TNXB: variants seen among roughly 807,000 people sequenced by gnomAD.
TNXB encodes tenascin XB.
Under a neutral mutation model 340.5 loss-of-function variants are expected in TNXB, and 183 were observed. The observed-to-expected ratio is 0.54, with a 90% CI of 0.48 to 0.61. The LOEUF (loss-of-function observed/expected upper bound fraction) is 0.61, where lower values mean the gene tolerates loss of function less well. TNXB is among the 20% of genes least tolerant of loss of function. TNXB has a pLI of 0.00. For synonymous variants in TNXB, 2,121 were observed against 2,314.5 expected, an observed-to-expected ratio of 0.92 and a Z score of 2.40; for missense variants, 4,613 against 5,446.4, an observed-to-expected ratio of 0.85 and a Z score of 4.82.
intron 1 of TNXB, among the ~76,000 whole-genome samples, chr6:32,106,632 T>G (rs1780994192): frequency 6.6e-6 from 1 of 152,142 alleles, no homozygotes; most frequent in Non-Finnish European, 1.5e-5. Flanking sequence ...GAAAGGGAGC[T>G]GAACAGGGAC....
chr6:32,065,192 G>GCCCCAC, intron 18 of TNXB, 75 bp from the exon 19 acceptor site: 1 of 1,337,390 alleles, frequency 7.5e-7, no homozygotes, highest in African/African-American at 1.5e-5. Context: ...TTGAATTCAG[G>GCCCCAC]TCAGAAGGTG....
At position 32,050,275 on chromosome 6, in the gene TNXB, G is replaced by T; in HGVS notation, c.9162C>A (p.Thr3054=). 1 of 1,613,416 alleles carries T rather than the reference G, an allele frequency of 6.2e-7. No homozygotes were observed. The highest frequency in any genetic ancestry group is 1.1e-5 in the South Asian group (1 of 91,072). Residue 3054 remains threonine (T), a synonymous_variant, in exon 27 of 44, where the codon ACC becomes ACA. Transcript: ENST00000644971. Reference sequence around the variant, plus strand: ...GGCGAGGCTTGATGGGGGGCTCAGGGGTCATGGTAGGCACTGCTTGGGTGG... The same window carrying T: ...GGCGAGGCTTGATGGGGGGCTCAGGTGTCATGGTAGGCACTGCTTGGGTGG... ...AETTQAVPTM[T]PEPPIKPRLG... is the part of the protein sequence containing the mutation.
At chr6:32,078,091 G>GAAAGAAAGAA (rs1398434328) in intron 11 of TNXB, among the ~76,000 whole-genome samples, 4 of 131,798 alleles carry the variant, frequency 3.0e-5, no homozygotes, top group East Asian at 2.3e-4. Context: ...AAGAAAGAAA[G>GAAAGAAAGAA]AAAGAAAGAA....
Position 32,089,441 on chromosome 6 carries a change from C to A in TNXB, c.2359-62G>T, listed in dbSNP as rs1209443121. 8 of 1,538,062 alleles carry A rather than the reference C, an allele frequency of 5.2e-6. No individual in the cohort carries two copies. The highest frequency in any genetic ancestry group is 6.1e-6 in the Non-Finnish European group (7 of 1,141,262). On this transcript the variant is annotated intron_variant, in intron 4 of 43. Transcript: ENST00000644971. The surrounding 1 kb of genome is among the most constrained non-coding windows in gnomAD (Gnocchi z 6.2). ...ACTCTTGCCTCTGCTGCTCAATCCC[C>A]CTTATCTCTTCTTTCTCCAATTCTA...
chr6:32,082,317 C>T lies in TNXB; in HGVS notation c.3455G>A (p.Ser1152Asn). ...LVAEAKILPQ[S>N]DPSPGTPPHL... ...GGGTGGAGTCCCTGGACTTGGGTCA[C>T]TCTGAGGCACTAGGAAGAGTGGGTA... Residue 1152 changes from serine to asparagine, a missense_variant, in exon 9 of 44, where the codon AGT becomes AAT. Around this residue, in one of 7 missense-constraint regions of TNXB, gnomAD observed 4,327 missense variants for 4,859.4 expected, o/e 0.89. Coordinates refer to ENST00000644971, the MANE Select transcript of TNXB (RefSeq NM_001365276.2). This position sits in a 1 kb window ranked among gnomAD's most constrained non-coding sequence, Gnocchi z 5.0. 2 of 1,594,074 alleles carry T rather than the reference C, an allele frequency of 1.3e-6. No homozygotes were observed. The highest frequency in any genetic ancestry group is 1.7e-6 in the Non-Finnish European group (2 of 1,168,062).
In TNXB at chr6:32,061,377, A is replaced by C. The variant is rs1777993136; in HGVS notation, c.7492+20T>G. 1.9e-6 allele frequency: 3 copies of C among 1,605,172 alleles called. No individual in the cohort carries two copies. The highest frequency in any genetic ancestry group is 1.7e-6 in the Non-Finnish European group (2 of 1,174,464). ...CCATGAGGGAAAGGTGGTTACCCCG[A>C]GACTCCAAGCACTACTCACCAGTCA... On this transcript the variant is annotated intron_variant, in intron 21 of 43. Transcript: ENST00000644971. This position sits in a 1 kb window ranked among gnomAD's most constrained non-coding sequence, Gnocchi z 4.4.
intron 1 of TNXB, among the ~76,000 whole-genome samples, chr6:32,098,502 C>T (rs1363084578): frequency 2.6e-5 from 4 of 151,924 alleles, no homozygotes; most frequent in Admixed American, 1.3e-4. Flanking sequence ...TTGTTTGAGA[C>T]GGAGTTTCAC....
rs770375261 is a variant in TNXB at position 32,097,962 on chromosome 6, C to A, written c.237G>T (p.Leu79=). 6.2e-7 allele frequency: 1 copy of A among 1,605,984 alleles called. No individual in the cohort carries two copies. Among genetic ancestry groups the A allele is most frequent in the Non-Finnish European group, 8.5e-7 (1 of 1,177,236 alleles). The change falls in exon 2 of 44, where the codon CTG becomes CTT. Residue 79 remains leucine (L), a synonymous_variant. Transcript: ENST00000644971. This position sits in a 1 kb window ranked among gnomAD's most constrained non-coding sequence, Gnocchi z 5.9. ...KQVVFTHRIN[L]PPSTGCGCPP... ...GACAGCCACAGCCAGTGGAAGGGGG[C>A]AGGTTAATGCGGTGGGTGAATACCA...
At position 32,088,862 on chromosome 6, in the gene TNXB, C is replaced by T. The variant is rs1779942876; in HGVS notation, c.2702G>A (p.Gly901Asp). The change falls in exon 6 of 44, where the codon GGC becomes GAC. Residue 901 changes from glycine (G) to aspartate (D), a missense_variant. By Grantham distance (94) the Gly-to-Asp change is moderately conservative. This residue lies in a region of TNXB where 4,327 missense variants were observed against 4,859.4 expected (regional missense o/e 0.89). Coordinates refer to ENST00000644971, the MANE Select transcript of TNXB (RefSeq NM_001365276.2). ...TGTGACAGTCACCACATATTCTACG[C>T]CTGGCATCAGGTCAGTCAGCAGCGT... ...DGTLLTDLMP[G>D]VEYVVTVTAE... 1 of 1,584,132 alleles carries T rather than the reference C, an allele frequency of 6.3e-7. No homozygotes were observed. The highest frequency in any genetic ancestry group is 8.6e-7 in the Non-Finnish European group (1 of 1,165,412).
Position 32,087,622 on chromosome 6 carries a change from T to TGGGGGGGGGGGGGGGGGGG in TNXB, c.2779+1162_2779+1163insCCCCCCCCCCCCCCCCCCC. On this transcript the variant is annotated intron_variant, in intron 6 of 43. Transcript: ENST00000644971. This position sits in a 1 kb window ranked among gnomAD's most constrained non-coding sequence, Gnocchi z 9.0. ...ATCAGGGCTGGCGGTGGGGCGGGGG[T>TGGGGGGGGGGGGGGGGGGG]GGCGGGGCGGGGGTGCGGGGGAGCC... 6.5e-5 allele frequency: 2 copies of TGGGGGGGGGGGGGGGGGGG among 30,684 alleles called. No individual in the cohort carries two copies. The highest frequency in any genetic ancestry group is 1.6e-4 in the Non-Finnish European group (2 of 12,670). 1.9% of individuals were successfully genotyped at this position (30,684 alleles called of 1,614,324 possible).
rs748759848 is a variant in TNXB, at chr6:32,062,156, C to A, written c.7168+1G>T. The stretch of plus-strand genomic sequence containing the variant: ...CCCTGGGGCTCCCATCGTCCACTCA[C>A]CTGTCACCCCGATGGCAGACACGGG... On this transcript the variant is annotated splice_donor_variant, in intron 20 of 43. Coordinates refer to ENST00000644971, the MANE Select transcript of TNXB (RefSeq NM_001365276.2). LOFTEE classifies it high-confidence loss of function. The surrounding 1 kb of genome is among the most constrained non-coding windows in gnomAD (Gnocchi z 4.3). 2.5e-6 allele frequency: 4 copies of A among 1,610,154 alleles called. No individual in the cohort carries two copies. Among genetic ancestry groups the A allele is most frequent in the Non-Finnish European group, 3.4e-6 (4 of 1,177,580 alleles).
At chr6:32,093,888 A>G (rs149228301) in intron 4 of TNXB, among the ~76,000 whole-genome samples, 1,971 of 152,046 alleles carry the variant, frequency 0.013, 36 homozygotes, top group Admixed American at 0.036. Flanking sequence ...CCAGGAGTTC[A>G]GGACCAGCCT....
At position 32,049,319 on chromosome 6, in the gene TNXB, G is replaced by A. The variant is rs1264235389; in HGVS notation, c.9708C>T (p.Gly3236=). ...PGRKYKMHLY[G]LHEGQRVGPV... ...GGCCCACGCGCTGCCCCTCGTGGAG[G>A]CCGTACAGATGCATCTTGTATTTGC... Residue 3236 remains glycine (G), a synonymous_variant, in exon 28 of 44, where the codon GGC becomes GGT. Transcript: ENST00000644971. The surrounding 1 kb of genome is among the most constrained non-coding windows in gnomAD (Gnocchi z 4.5). 6.2e-7 allele frequency: 1 copy of A among 1,612,472 alleles called. No homozygotes were observed. Among genetic ancestry groups the A allele is most frequent in the Non-Finnish European group, 8.5e-7 (1 of 1,179,854 alleles).
In TNXB at chr6:32,084,752, G is replaced by A. The variant is rs1779677492; in HGVS notation, c.3149-43C>T. 9.5e-6 allele frequency: 14 copies of A among 1,479,770 alleles called. No individual in the cohort carries two copies. The highest frequency in any genetic ancestry group is 1.4e-5 in the African/African-American group (1 of 71,910). 91.7% of individuals were successfully genotyped at this position (1,479,770 alleles called of 1,614,324 possible). A position where few individuals can be genotyped will look rare whatever the true frequency, so the allele number is the denominator to read the frequency against. The stretch of plus-strand genomic sequence containing the variant: ...AAAGCAAAGCATAGTGGACTCAACC[G>A]TTCTCTTGTCTGTGTCTCCTTCCCT... On this transcript the variant is annotated intron_variant, in intron 7 of 43. Coordinates refer to ENST00000644971, the MANE Select transcript of TNXB (RefSeq NM_001365276.2). The surrounding 1 kb of genome is among the most constrained non-coding windows in gnomAD (Gnocchi z 5.5).
chr6:32,073,964 A>G lies in TNXB; in HGVS notation c.4376-12T>C. 1 of 1,576,096 alleles carries G rather than the reference A, an allele frequency of 6.3e-7. No individual in the cohort carries two copies. Among genetic ancestry groups the G allele is most frequent in the Non-Finnish European group, 8.6e-7 (1 of 1,157,662 alleles). The stretch of plus-strand genomic sequence containing the variant: ...TTCTTGTTGTGGGGCTGGGACAGAG[A>G]TGGTAGGGGGCTGTTAGTAAAGAAT... On this transcript the variant is annotated splice_polypyrimidine_tract_variant and intron_variant, in intron 11 of 43. Transcript: ENST00000644971. The surrounding 1 kb of genome is among the most constrained non-coding windows in gnomAD (Gnocchi z 4.6).
At chr6:32,091,685 G>A (rs1331786990) in intron 4 of TNXB, among the ~76,000 whole-genome samples, 1 of 151,640 alleles carries the variant, frequency 6.6e-6, no homozygotes, top group Non-Finnish European at 1.5e-5. Flanking sequence ...TGTTGGTCAG[G>A]CTGTTCTCAA....
intron 1 of TNXB, among the ~76,000 whole-genome samples, chr6:32,102,449 T>TA (rs758394814): frequency 2.0e-5 from 3 of 152,136 alleles, no homozygotes; most frequent in African/African-American, 4.8e-5. Flanking sequence ...TATACAGCAA[T>TA]AAAAAACACC....
chr6:32,103,141 C>T (rs1780806734), intron 1 of TNXB, among the ~76,000 whole-genome samples: 1 of 152,052 alleles, frequency 6.6e-6, no homozygotes, highest in Non-Finnish European at 1.5e-5. Context: ...TGAACCATGG[C>T]TGGGTGTGGT....
rs1022127250 is a variant in TNXB at position 32,055,948 on chromosome 6, G to C, written c.8370C>G (p.Thr2790=). The change falls in exon 24 of 44, where the codon ACC becomes ACG. Residue 2790 remains threonine (T), a synonymous_variant. Coordinates refer to ENST00000644971, the MANE Select transcript of TNXB (RefSeq NM_001365276.2). The part of the protein sequence containing the change: ...MRVRGEESEV[T]VGGLEPGRKY... ...TGCGCCCGGGCTCCAGGCCCCCCACGGTGACCTCGCTCTCCTCGCCCCTGA... is the reference window on the plus strand; with the variant it reads ...TGCGCCCGGGCTCCAGGCCCCCCACCGTGACCTCGCTCTCCTCGCCCCTGA... 2 of 1,613,394 alleles carry C rather than the reference G, an allele frequency of 1.2e-6. No homozygotes were observed. The highest frequency in any genetic ancestry group is 2.7e-5 in the African/African-American group (2 of 74,912).
Sources: gnomAD v4.1 joint callset for allele counts (sites outside exome capture counted in the v4.1 genomes callset) on GRCh38, gnomAD v4.1.1 for gene constraint, gnomAD v4.1.1 regional missense constraint, Gnocchi (gnomAD v3.1) non-coding constraint, MANE v1.5 for transcripts, NCBI Gene and HGNC (gene_info 2026-07-23, HGNC 2026-07-21) for gene names.